HDGFL3: variants seen among roughly 807,000 people sequenced by gnomAD.
The protein encoded by HDGFL3 is hepatoma-derived growth factor-related protein 3.
Under a neutral mutation model 27.6 loss-of-function variants are expected in HDGFL3, and 6 were observed. The ratio of observed to expected loss-of-function variants is 0.22; its 90% confidence interval spans 0.12 to 0.43. The LOEUF (loss-of-function observed/expected upper bound fraction) is 0.43. HDGFL3 is among the 20% of genes least tolerant of loss of function. HDGFL3 has a pLI of 1.00. For missense variants in HDGFL3, 207 were observed against 250.1 expected, an observed-to-expected ratio of 0.83 and a Z score of 1.16; for synonymous variants, 88 against 88.9, an observed-to-expected ratio of 0.99 and a Z score of 0.05.
intron 2 of HDGFL3, chr15:83,163,670 G>T (rs2037128447): frequency 9.1e-6 from 2 of 218,874 alleles, no homozygotes; most frequent in Non-Finnish European, 9.0e-6. Flanking sequence ...TTCTCTGGAA[G>T]GGAAATATAT....
intron 1 of HDGFL3, among the ~76,000 whole-genome samples, chr15:83,206,383 T>C (rs1395736324): frequency 2.6e-5 from 4 of 152,238 alleles, no homozygotes; most frequent in African/African-American, 7.2e-5. Flanking sequence ...AGATTTCTTA[T>C]TTCAAGCAAT....
chr15:83,170,804 A>G lies in HDGFL3; in HGVS notation c.85-6729T>C, dbSNP rs189495209. Among the ~76,000 whole-genome samples, 62 of 151,958 alleles carry G rather than the reference A, an allele frequency of 4.1e-4. 1 individual carries two copies. Among genetic ancestry groups the G allele is most frequent in the African/African-American group, 1.5e-3 (62 of 41,456 alleles). ...GACAACCTACATTGAATGGGAGAATATATCTGCAAACTATGCATCCAACAA... is the reference window on the plus strand; with the variant it reads ...GACAACCTACATTGAATGGGAGAATGTATCTGCAAACTATGCATCCAACAA... On this transcript the variant is annotated intron_variant, in intron 1 of 5. Coordinates refer to ENST00000299633, the MANE Select transcript of HDGFL3 (RefSeq NM_016073.4).
chr15:83,197,922 C>T (rs2037591427), intron 1 of HDGFL3, among the ~76,000 whole-genome samples: 1 of 147,204 alleles, frequency 6.8e-6, no homozygotes, highest in Admixed American at 6.8e-5. Flanking sequence ...GTAATCCCAG[C>T]TAATTGGGAG....
At chr15:83,156,986 C>T (rs1185400427) in intron 4 of HDGFL3, among the ~76,000 whole-genome samples, 5 of 152,088 alleles carry the variant, frequency 3.3e-5, no homozygotes, top group African/African-American at 7.2e-5. Flanking sequence ...TGTGAGCCAC[C>T]GCGCCCAGCC....
At chr15:83,179,566 T>C (rs755030498) in intron 1 of HDGFL3, among the ~76,000 whole-genome samples, 2 of 152,220 alleles carry the variant, frequency 1.3e-5, no homozygotes, top group African/African-American at 4.8e-5. Flanking sequence ...AGGTTCTCCA[T>C]AGGCAAAGCC....
chr15:83,189,827 A>C (rs117457970), intron 1 of HDGFL3, among the ~76,000 whole-genome samples: 8 of 152,330 alleles, frequency 5.3e-5, no homozygotes, highest in Non-Finnish European at 1.2e-4. Flanking sequence ...ACTCTGATTA[A>C]CTACATTGAA....
intron 4 of HDGFL3, among the ~76,000 whole-genome samples, chr15:83,152,642 A>G (rs574663783): frequency 6.7e-6 from 1 of 148,524 alleles, no homozygotes; most frequent in Non-Finnish European, 1.5e-5. Context: ...TGGAGGTTGC[A>G]GTGACACTCA....
chr15:83,120,461 T>C (rs2035115376), intron 3 of HDGFL3, among the ~76,000 whole-genome samples: 1 of 152,172 alleles, frequency 6.6e-6, no homozygotes, highest in African/African-American at 2.4e-5. Flanking sequence ...GGCCATCTTC[T>C]CAGGCCTCCA....
intron 4 of HDGFL3, among the ~76,000 whole-genome samples, chr15:83,156,793 A>G (rs2037035377): frequency 6.6e-6 from 1 of 151,998 alleles, no homozygotes; most frequent in South Asian, 2.1e-4. Context: ...TCCTGGGTTC[A>G]TGCCATTCTC....
intron 1 of HDGFL3, among the ~76,000 whole-genome samples, chr15:83,203,254 T>C (rs2037672440): frequency 6.6e-6 from 1 of 152,050 alleles, no homozygotes; most frequent in African/African-American, 2.4e-5. Context: ...GCGGAAGGTT[T>C]GGGTGGGGTA....
intron 1 of HDGFL3, chr15:83,186,130 G>C (rs1012576550): frequency 6.6e-6 from 1 of 152,236 alleles, no homozygotes; most frequent in Non-Finnish European, 1.5e-5. Context: ...TGCCCTTGTG[G>C]GAGACCCAGA....
rs2036502998 is a variant in HDGFL3 at position 83,134,818 on chromosome 15, A to C, written c.*4452T>G. 2 of 152,244 alleles carry C rather than the reference A, an allele frequency of 1.3e-5. No homozygotes were observed. The highest frequency in any genetic ancestry group is 6.5e-5 in the Admixed American group (1 of 15,286). The allele number at this position is 152,244 out of a possible 1,614,324, so 9.4% of individuals were successfully genotyped here. ...AGAGAAAATGCTTGGTTATATATTC[A>C]GAAAAACACTATTATTCAAAACAGG... On this transcript the variant is annotated 3_prime_UTR_variant, in exon 6 of 6. Transcript: ENST00000299633.
At chr15:83,123,625 T>TC (rs1253370420), downstream of HDGFL3, among the ~76,000 whole-genome samples, 2 of 152,232 alleles carry the variant, frequency 1.3e-5, no homozygotes, top group Non-Finnish European at 2.9e-5. Context: ...GACAAATACT[T>TC]CATTTGTAAA....
Position 83,122,283 on chromosome 15 carries a change from G to A in HDGFL3, c.394-6542C>T, listed in dbSNP as rs140224023. On this transcript the variant is annotated intron_variant, in intron 3 of 3. Transcript: ENST00000568294. ...TGAGGGAGTGAGTATGGTGTTTATG[G>A]CTATATTTAGTGTGCAAATATGTTA... 2.8e-3 allele frequency among the ~76,000 whole-genome samples: 423 copies of A among 152,124 alleles called. 3 individuals carry two copies. Among genetic ancestry groups the A allele is most frequent in the Middle Eastern group, 0.017 (5 of 294 alleles).
intron 2 of HDGFL3, among the ~76,000 whole-genome samples, chr15:83,162,964 T>C (rs1304896029): frequency 3.3e-5 from 5 of 152,220 alleles, no homozygotes; most frequent in South Asian, 2.1e-4. Flanking sequence ...GCTCTTCTTT[T>C]TTCCTATACT....
rs1473267558 is a variant in HDGFL3, at chr15:83,138,735, T to C, written c.*535A>G. ...GCTATTTCTAATACGGAATAGATATTTTACAATATGGTTAAACTTTACACA... is the reference window on the plus strand; with the variant it reads ...GCTATTTCTAATACGGAATAGATATCTTACAATATGGTTAAACTTTACACA... On this transcript the variant is annotated 3_prime_UTR_variant, in exon 6 of 6. Coordinates refer to ENST00000299633, the MANE Select transcript of HDGFL3 (RefSeq NM_016073.4). The C allele has an allele frequency of 2.0e-5, 3 of 152,300 alleles. No homozygotes were observed. The highest frequency in any genetic ancestry group is 7.2e-5 in the African/African-American group (3 of 41,462). 9.4% of individuals were successfully genotyped at this position (152,300 alleles called of 1,614,324 possible).
rs1370786974 is a variant in HDGFL3, at chr15:83,139,163, TGAC to T, written c.*104_*106del. ...TACATACAAACTGGGGTTCTGTCAA[TGAC>T]AACAAGGACTATGTGTTGGTTCATA... On this transcript the variant is annotated 3_prime_UTR_variant, in exon 6 of 6. Coordinates refer to ENST00000299633, the MANE Select transcript of HDGFL3 (RefSeq NM_016073.4). The T allele has an allele frequency of 1.5e-6, 1 of 652,186 alleles. No individual in the cohort carries two copies. The highest frequency in any genetic ancestry group is 1.9e-5 in the African/African-American group (1 of 53,580). 40.4% of individuals were successfully genotyped at this position (652,186 alleles called of 1,614,324 possible). A position where few individuals can be genotyped will look rare whatever the true frequency, so the allele number is the denominator to read the frequency against.
chr15:83,180,476 G>A (rs966843529), intron 1 of HDGFL3, among the ~76,000 whole-genome samples: 2 of 152,014 alleles, frequency 1.3e-5, no homozygotes, highest in African/African-American at 2.4e-5. Flanking sequence ...ATGTGATGTT[G>A]TTATAAAAAT....
chr15:83,157,533 C>G lies in HDGFL3; in HGVS notation c.341G>C (p.Gly114Ala). The change falls in exon 4 of 6, where the codon GGT becomes GCT. Residue 114 changes from glycine to alanine, a missense_variant. Gly to Ala is a moderately conservative substitution (Grantham distance 60). Transcript: ENST00000299633. The stretch of plus-strand genomic sequence containing the variant: ...ACTGCTTGCATCTGCAGTATTTCCA[C>G]CTTCTCCCTCAGTTTCTGAAGAGCT... Reference protein sequence around the residue: ...QQSSSETEGEGGNTADASSEE... With the variant: ...QQSSSETEGEAGNTADASSEE... The G allele has an allele frequency of 6.2e-7, 1 of 1,613,968 alleles. No homozygotes were observed. Among genetic ancestry groups the G allele is most frequent in the Non-Finnish European group, 8.5e-7 (1 of 1,179,888 alleles).
Sources: gnomAD v4.1 joint callset for allele counts (sites outside exome capture counted in the v4.1 genomes callset) on GRCh38, gnomAD v4.1.1 for gene constraint, MANE v1.5 for transcripts, NCBI Gene and HGNC (gene_info 2026-07-23, HGNC 2026-07-21) for gene names.